The following CLMN variants were observed in gnomAD, a reference collection of about 807,000 sequenced individuals.
CLMN encodes calmin.
CLMN carries 57 observed loss-of-function variants against 92.7 expected under a neutral mutation model. That is an observed-to-expected ratio of 0.61 (90% CI 0.50 to 0.77). The LOEUF (loss-of-function observed/expected upper bound fraction) is 0.77. Ranked by LOEUF, CLMN falls within the 30% of genes least tolerant of loss-of-function variation. CLMN has a pLI of 0.00. For synonymous variants in CLMN, 466 were observed against 470.6 expected, an observed-to-expected ratio of 0.99 and a Z score of 0.13; for missense variants, 1,158 against 1,237.5, an observed-to-expected ratio of 0.94 and a Z score of 0.96.
At chr14:95,309,518 A>G (rs1004076822) in intron 1 of CLMN, among the ~76,000 whole-genome samples, 2 of 152,230 alleles carry the variant, frequency 1.3e-5, no homozygotes, top group Non-Finnish European at 2.9e-5. Flanking sequence ...CAGGGCATAG[A>G]TGAGATCACC....
chr14:95,245,155 G>C (rs1374227531), intron 1 of CLMN, among the ~76,000 whole-genome samples: 1 of 74,812 alleles, frequency 1.3e-5, no homozygotes, highest in East Asian at 4.5e-4. Flanking sequence ...AAGTGAAAAA[G>C]GAACTGTAAC....
chr14:95,316,533 C>T (rs1342699475), intron 1 of CLMN, among the ~76,000 whole-genome samples: 1 of 152,190 alleles, frequency 6.6e-6, no homozygotes, highest in African/African-American at 2.4e-5. Flanking sequence ...AAAGACAGGT[C>T]GAGAAATCTT....
At position 95,240,126 on chromosome 14, in the gene CLMN, C is replaced by T. The variant is rs773308300; in HGVS notation, c.83-9993G>A. 4.5e-4 allele frequency among the ~76,000 whole-genome samples: 68 copies of T among 152,300 alleles called. 2 individuals carry two copies. The Middle Eastern group carries it at 0.014, about 30-fold the overall frequency. ...CCATCCAGTTTTGTGTAAGCACACTCGACAATGTTTGTACAACAAAATCGC... is the reference window on the plus strand; with the variant it reads ...CCATCCAGTTTTGTGTAAGCACACTTGACAATGTTTGTACAACAAAATCGC... On this transcript the variant is annotated intron_variant, in intron 1 of 12. Coordinates refer to ENST00000298912, the MANE Select transcript of CLMN (RefSeq NM_024734.4).
At position 95,203,311 on chromosome 14, in the gene CLMN, G is replaced by A; in HGVS notation, c.2038C>T (p.Gln680Ter). Residue 680 changes from glutamine (Q) to a stop codon, truncating the protein, a stop_gained, in exon 9 of 13, where the codon CAG becomes TAG. Coordinates refer to ENST00000298912, the MANE Select transcript of CLMN (RefSeq NM_024734.4). LOFTEE classifies it high-confidence loss of function. Reference sequence around the variant, plus strand: ...GAAGATAATTCCTCGCCCACACCCTGGAGGTCATCGTCTTCTCCCTCTTCC... The same window carrying A: ...GAAGATAATTCCTCGCCCACACCCTAGAGGTCATCGTCTTCTCCCTCTTCC... ...YEEEGEDDDLQGVGEELSSSP... is the reference protein window; with the variant it reads ...YEEEGEDDDL 1 of 1,614,122 alleles carries A rather than the reference G, an allele frequency of 6.2e-7. No homozygotes were observed. The highest frequency in any genetic ancestry group is 8.5e-7 in the Non-Finnish European group (1 of 1,180,028).
intron 1 of CLMN, among the ~76,000 whole-genome samples, chr14:95,285,715 T>C (rs554051084): frequency 3.3e-5 from 5 of 152,324 alleles, no homozygotes; most frequent in African/African-American, 9.6e-5. Flanking sequence ...ATCACTGGGA[T>C]ATGTGGCTAA....
intron 2 of CLMN, among the ~76,000 whole-genome samples, chr14:95,227,305 C>T (rs780824058): frequency 9.2e-5 from 14 of 152,254 alleles, no homozygotes; most frequent in Non-Finnish European, 1.9e-4. Flanking sequence ...CAATTCCACC[C>T]GCAGGTGCAC....
rs1017793188 is a variant in CLMN, at chr14:95,215,807, C to T, written c.325-74G>A. The T allele has an allele frequency of 3.2e-5, 31 of 956,420 alleles. 1 individual carries two copies. Among genetic ancestry groups the T allele is most frequent in the Non-Finnish European group, 4.5e-5 (28 of 616,878 alleles). 59.2% of individuals were successfully genotyped at this position (956,420 alleles called of 1,614,324 possible). ...AACATATGTTATTTTCTGGTTCTCTCTCTCTCTCTGTGTGTGTGTGTGTGT... is the reference window on the plus strand; with the variant it reads ...AACATATGTTATTTTCTGGTTCTCTTTCTCTCTCTGTGTGTGTGTGTGTGT... On this transcript the variant is annotated intron_variant, in intron 4 of 12. Transcript: ENST00000298912.
intron 9 of CLMN, chr14:95,199,290 T>C (rs935980661): frequency 6.6e-6 from 1 of 152,216 alleles, no homozygotes; most frequent in African/African-American, 2.4e-5. Context: ...GCTCAACTAA[T>C]CTTCTAGGTC....
chr14:95,182,822 G>A lies in CLMN; in HGVS notation c.*8742C>T, dbSNP rs532258538. 3.3e-5 allele frequency: 5 copies of A among 152,310 alleles called. No individual in the cohort carries two copies. Among genetic ancestry groups the A allele is most frequent in the South Asian group, 4.1e-4 (2 of 4,820 alleles). 9.4% of individuals were successfully genotyped at this position (152,310 alleles called of 1,614,324 possible). A position where few individuals can be genotyped will look rare whatever the true frequency, so the allele number is the denominator to read the frequency against. Reference sequence around the variant, plus strand: ...TTAGGAAACTGCCTCAGATGCTGACGTAATTTAAGGAGACCAATTTCCTTC... The same window carrying A: ...TTAGGAAACTGCCTCAGATGCTGACATAATTTAAGGAGACCAATTTCCTTC... On this transcript the variant is annotated 3_prime_UTR_variant, in exon 13 of 13. Transcript: ENST00000298912.
In CLMN at chr14:95,319,634, G is replaced by C; in HGVS notation, c.82+77C>G. 2.5e-6 allele frequency: 3 copies of C among 1,185,096 alleles called. No individual in the cohort carries two copies. The Admixed American group carries it at 6.3e-5, about 25-fold the overall frequency. The allele number at this position is 1,185,096 out of a possible 1,614,324, so 73.4% of individuals were successfully genotyped here. A position where few individuals can be genotyped will look rare whatever the true frequency, so the allele number is the denominator to read the frequency against. ...GCCGGCGAGCGGGGGCGGCGCGGGG[G>C]AGTTGCCAAGTGTCGGAGCGGCGCC... is the stretch of plus-strand genomic sequence containing the variant. On this transcript the variant is annotated intron_variant, in intron 1 of 12. Transcript: ENST00000298912.
chr14:95,194,068 T>A lies in CLMN; in HGVS notation c.2770-149A>T. 6.8e-7 allele frequency: 1 copy of A among 1,460,398 alleles called. No individual in the cohort carries two copies. Among genetic ancestry groups the A allele is most frequent in the Admixed American group, 2.6e-5 (1 of 38,092 alleles). 90.5% of individuals were successfully genotyped at this position (1,460,398 alleles called of 1,614,324 possible). ...CCAGCGTCTAGATCCAAAATCAAAG[T>A]GCTAAACAATATACATTCCTCTACC... is the stretch of plus-strand genomic sequence containing the variant. On this transcript the variant is annotated intron_variant, in intron 11 of 12. Transcript: ENST00000298912. This position sits in a 1 kb window ranked among gnomAD's most constrained non-coding sequence, Gnocchi z 4.0.
At chr14:95,268,159 A>G (rs1899550439) in intron 1 of CLMN, among the ~76,000 whole-genome samples, 1 of 152,196 alleles carries the variant, frequency 6.6e-6, no homozygotes. Flanking sequence ...AAATAGCTAG[A>G]AGAGAAAAAT....
chr14:95,258,984 G>C (rs778985506), intron 1 of CLMN, among the ~76,000 whole-genome samples: 1 of 151,404 alleles, frequency 6.6e-6, no homozygotes, highest in Non-Finnish European at 1.5e-5. Flanking sequence ...TGGTGTGTGT[G>C]CGTGGAGAGT....
rs1357913764 is a variant in CLMN, at chr14:95,191,701, G to C, written c.2872C>G (p.Leu958Val). The change falls in exon 13 of 13, where the codon CTG (leucine) becomes GTG (valine). Residue 958 changes from leucine (L) to valine (V), a missense_variant. By Grantham distance (32) the Leu-to-Val change is conservative. Coordinates refer to ENST00000298912, the MANE Select transcript of CLMN (RefSeq NM_024734.4). The surrounding 1 kb of genome is among the most constrained non-coding windows in gnomAD (Gnocchi z 5.3). ...TCACTCTGCGGGCTGTGGCTCCCCA[G>C]TGACATGGCTTCTCCTGAGCTGTTG... The part of the protein sequence containing the change: ...KANSSGEAMS[L>V]GSHSPQSDSL... The C allele has an allele frequency of 5.6e-6, 9 of 1,612,184 alleles. No homozygotes were observed. In the African/African-American group the frequency reaches 1.2e-4, roughly 22 times the overall value.
intron 6 of CLMN, 27 bp downstream of exon 6, chr14:95,213,192 A>G: frequency 1.2e-6 from 2 of 1,608,162 alleles, no homozygotes. Context: ...TAAATGAAGT[A>G]GTGTGGGGAG....
rs138212026 is a variant in CLMN at position 95,221,768 on chromosome 14, C to T, written c.247G>A (p.Glu83Lys). ...EVLSGRNLLH[E>K]YKSSSHRIFR... ...ATACGATGCGACGAGGATTTGTATT[C>T]GTGCAGCTATAAAACAGAACAGAAC... is the stretch of plus-strand genomic sequence containing the variant. The change falls in exon 4 of 13, where the codon GAA (glutamate) becomes AAA (lysine). Residue 83 changes from glutamate to lysine, a missense_variant. Glu to Lys is a moderately conservative substitution (Grantham distance 56). Transcript: ENST00000298912. The T allele has an allele frequency of 3.2e-5, 52 of 1,614,090 alleles. No individual in the cohort carries two copies. The highest frequency in any genetic ancestry group is 2.5e-5 in the Non-Finnish European group (29 of 1,179,996).
intron 3 of CLMN, chr14:95,222,494 C>T: frequency 2.2e-6 from 1 of 449,418 alleles, no homozygotes; most frequent in East Asian, 7.0e-5. Flanking sequence ...GTGTGAAGTG[C>T]CAGGCCACGC....
chr14:95,204,248 A>G lies in CLMN; in HGVS notation c.1101T>C (p.Val367=), dbSNP rs1187276225. Residue 367 remains valine, a synonymous_variant, in exon 9 of 13, where the codon GTT becomes GTC. Coordinates refer to ENST00000298912, the MANE Select transcript of CLMN (RefSeq NM_024734.4). The part of the protein sequence containing the change: ...ESMKEFRLDG[V]SSHALSDSST... Reference sequence around the variant, plus strand: ...AGCTGTCTGACAGCGCATGGCTGGAAACACCATCCAGGCGGAATTCCTTCA... The same window carrying G: ...AGCTGTCTGACAGCGCATGGCTGGAGACACCATCCAGGCGGAATTCCTTCA... 3 of 1,613,994 alleles carry G rather than the reference A, an allele frequency of 1.9e-6. No individual in the cohort carries two copies. Among genetic ancestry groups the G allele is most frequent in the African/African-American group, 2.7e-5 (2 of 74,886 alleles).
In CLMN at chr14:95,294,487, C is replaced by G. The variant is rs1403739661; in HGVS notation, c.82+25224G>C. Among the ~76,000 whole-genome samples the G allele has an allele frequency of 1.3e-5, 2 of 152,202 alleles. No individual in the cohort carries two copies. The highest frequency in any genetic ancestry group is 2.9e-5 in the Non-Finnish European group (2 of 68,036). ...ATCCGCGGGGAAGGATCCTGTCCAA[C>G]AGAAAGGCCCTGGAGACAGACCTGC... On this transcript the variant is annotated intron_variant, in intron 1 of 12. Transcript: ENST00000298912. The surrounding 1 kb of genome is among the most constrained non-coding windows in gnomAD (Gnocchi z 4.2).
Sources: gnomAD v4.1 joint callset for allele counts (sites outside exome capture counted in the v4.1 genomes callset) on GRCh38, gnomAD v4.1.1 for gene constraint, Gnocchi (gnomAD v3.1) non-coding constraint, MANE v1.5 for transcripts, NCBI Gene and HGNC (gene_info 2026-07-23, HGNC 2026-07-21) for gene names.